Variants in DLG2 observed in about 807,000 individuals in gnomAD.
The protein encoded by DLG2 is disks large homolog 2.
DLG2 carries 45 observed loss-of-function variants against 132.5 expected under a neutral mutation model. That is an observed-to-expected ratio of 0.34 (90% CI 0.27 to 0.44). The LOEUF (loss-of-function observed/expected upper bound fraction) is 0.44. DLG2 is among the 20% of genes least tolerant of loss of function. DLG2 has a pLI of 1.00. For synonymous variants in DLG2, 424 were observed against 419.6 expected (o/e 1.01, Z -0.13); for missense variants, 1,045 against 1,196.9 (o/e 0.87, Z 1.87).
chr11:85,216,553 T>C (rs2082609307), intron 4 of DLG2, among the ~76,000 whole-genome samples: 1 of 152,162 alleles, frequency 6.6e-6, no homozygotes, highest in Admixed American at 6.6e-5. Context: ...TTATTTAAAG[T>C]CCTGTAGAAC....
chr11:83,741,994 C>G (rs1246677977), intron 18 of DLG2, among the ~76,000 whole-genome samples: 1 of 152,108 alleles, frequency 6.6e-6, no homozygotes, highest in Non-Finnish European at 1.5e-5. Context: ...GGAAGCTCAA[C>G]CAAAAGACTG....
chr11:83,859,476 A>G (rs2061085187), intron 16 of DLG2, among the ~76,000 whole-genome samples: 1 of 152,204 alleles, frequency 6.6e-6, no homozygotes, highest in Non-Finnish European at 1.5e-5. Context: ...CCCCTGCCCT[A>G]GAGATTTGTG....
At chr11:85,347,954 C>A (rs1384026981) in intron 3 of DLG2, among the ~76,000 whole-genome samples, 1 of 140,626 alleles carries the variant, frequency 7.1e-6, no homozygotes, top group African/African-American at 2.6e-5. Context: ...CAGACTCATG[C>A]CACCACACTT....
intron 6 of DLG2, among the ~76,000 whole-genome samples, chr11:84,782,856 T>G (rs1030868946): frequency 3.9e-5 from 6 of 152,188 alleles, no homozygotes; most frequent in African/African-American, 1.4e-4. Flanking sequence ...ATTTTCCTCT[T>G]AAGAGTGTCA....
intron 18 of DLG2, among the ~76,000 whole-genome samples, chr11:83,670,582 G>A (rs1171269298): frequency 6.6e-6 from 1 of 151,648 alleles, no homozygotes; most frequent in Non-Finnish European, 1.5e-5. Flanking sequence ...AATTCATTGT[G>A]TTGTCATAGA....
chr11:83,620,366 T>TA (rs762932628), intron 19 of DLG2, among the ~76,000 whole-genome samples: 2 of 152,344 alleles, frequency 1.3e-5, no homozygotes, highest in Non-Finnish European at 2.9e-5. Context: ...GGGTCTGTTT[T>TA]AAAATGTAGA....
chr11:83,869,330 C>A (rs1179213410), intron 16 of DLG2, among the ~76,000 whole-genome samples: 1 of 152,092 alleles, frequency 6.6e-6, no homozygotes, highest in Non-Finnish European at 1.5e-5. Flanking sequence ...CCCACCCAGG[C>A]AAAAGGAGTA....
chr11:83,745,958 C>T (rs994744982), intron 18 of DLG2, among the ~76,000 whole-genome samples: 7 of 152,090 alleles, frequency 4.6e-5, no homozygotes, highest in East Asian at 1.9e-4. Flanking sequence ...ATTTATGCAG[C>T]CAACAGACAC....
chr11:83,770,255 G>GTTTTTTTTT (rs143065797), intron 18 of DLG2, among the ~76,000 whole-genome samples: 11 of 109,926 alleles, frequency 1.0e-4, no homozygotes, highest in African/African-American at 1.6e-4. Flanking sequence ...GGTGTCTGGT[G>GTTTTTTTTT]TTTTTTTTTG....
At chr11:84,062,281 G>A (rs895677949) in intron 10 of DLG2, among the ~76,000 whole-genome samples, 2 of 152,100 alleles carry the variant, frequency 1.3e-5, no homozygotes, top group African/African-American at 2.4e-5. Flanking sequence ...GTGGGACCAC[G>A]GTGAGGCCAC....
At chr11:84,363,166 C>T (rs2098660615) in intron 7 of DLG2, among the ~76,000 whole-genome samples, 1 of 151,810 alleles carries the variant, frequency 6.6e-6, no homozygotes, top group Non-Finnish European at 1.5e-5. Context: ...TCCTCTCCAG[C>T]ACCTGTTGTT....
chr11:84,682,153 C>T (rs946372873), intron 6 of DLG2, among the ~76,000 whole-genome samples: 2 of 152,132 alleles, frequency 1.3e-5, no homozygotes, highest in African/African-American at 4.8e-5. Flanking sequence ...TACCCAAACA[C>T]CTCGCATTAA....
chr11:84,257,105 A>G (rs1363102255), intron 7 of DLG2, among the ~76,000 whole-genome samples: 3 of 152,170 alleles, frequency 2.0e-5, no homozygotes, highest in African/African-American at 7.2e-5. Context: ...TGAACACAGG[A>G]TAACTGTATT....
chr11:83,666,345 A>T (rs1244132185), intron 18 of DLG2, among the ~76,000 whole-genome samples: 16 of 152,154 alleles, frequency 1.1e-4, no homozygotes. Context: ...GCCGCACAGC[A>T]GGAGGTGAGT....
chr11:85,022,963 T>C (rs539518822), intron 6 of DLG2, among the ~76,000 whole-genome samples: 17 of 152,224 alleles, frequency 1.1e-4, no homozygotes, highest in South Asian at 4.1e-4. Context: ...CCTGCAAGGA[T>C]TGATTGCACT....
chr11:85,389,046 C>T (rs1596786488), intron 3 of DLG2, among the ~76,000 whole-genome samples: 2 of 151,796 alleles, frequency 1.3e-5, no homozygotes, highest in South Asian at 4.2e-4. Context: ...GGGTAATTAC[C>T]AAGCCAATCA....
intron 16 of DLG2, among the ~76,000 whole-genome samples, chr11:83,855,072 C>T (rs1914204): frequency 0.45 from 68,882 of 151,854 alleles, 16,207 homozygotes; most frequent in Middle Eastern, 0.57. Context: ...CATGAAAAGA[C>T]GCCTCACATC....
intron 4 of DLG2, among the ~76,000 whole-genome samples, chr11:85,198,259 T>G (rs1426288183): frequency 2.0e-5 from 3 of 152,160 alleles, no homozygotes; most frequent in African/African-American, 4.8e-5. Context: ...AAAAATTATT[T>G]CAGACCTCTG....
chr11:84,236,004 T>C (rs541366658), intron 8 of DLG2, among the ~76,000 whole-genome samples: 20 of 152,134 alleles, frequency 1.3e-4, no homozygotes, highest in African/African-American at 4.8e-4. Context: ...TTCAGATCAT[T>C]TTCATATCTG....
Sources: allele counts gnomAD v4.1 joint callset (sites outside exome capture counted in the v4.1 genomes callset), GRCh38; gene constraint gnomAD v4.1.1; transcripts MANE v1.5; gene names NCBI Gene and HGNC (gene_info 2026-07-23, HGNC 2026-07-21).